Variants in TOMM70 observed in about 807,000 individuals in gnomAD.
TOMM70 encodes the protein translocase of outer mitochondrial membrane 70.
A neutral mutation model predicts 73.6 loss-of-function variants in TOMM70; 13 were observed. That is an observed-to-expected ratio of 0.18 (90% CI 0.11 to 0.28). TOMM70 has a LOEUF of 0.28. Among genes scored for constraint, TOMM70 ranks in the 10% least tolerant of loss-of-function variants. The pLI is 1.00. For missense variants in TOMM70, 609 were observed against 747.5 expected, an observed-to-expected ratio of 0.81 and a Z score of 2.16; for synonymous variants, 257 against 271.2, an observed-to-expected ratio of 0.95 and a Z score of 0.51.
intron 10 of TOMM70, 98 bp downstream of exon 10, chr3:100,368,940 C>T: frequency 1.2e-6 from 1 of 820,152 alleles, no homozygotes; most frequent in East Asian, 2.5e-5. Context: ...CAATTAACTT[C>T]TCTACCACAG....
At chr3:100,367,377 G>C (rs1350804390) in intron 11 of TOMM70, among the ~76,000 whole-genome samples, 1 of 152,152 alleles carries the variant, frequency 6.6e-6, no homozygotes, top group African/African-American at 2.4e-5. Flanking sequence ...GAAAACTCAT[G>C]CTGCTTCCTG....
intron 5 of TOMM70, among the ~76,000 whole-genome samples, chr3:100,380,923 A>G (rs890666296): frequency 6.6e-6 from 1 of 152,220 alleles, no homozygotes; most frequent in Non-Finnish European, 1.5e-5. Context: ...CACAGCTACT[A>G]GAACAGTATT....
intron 5 of TOMM70, among the ~76,000 whole-genome samples, chr3:100,379,799 T>C (rs1233077099): frequency 6.6e-6 from 1 of 152,048 alleles, no homozygotes; most frequent in Non-Finnish European, 1.5e-5. Context: ...GTTATTCTTC[T>C]GTAGAGACAG....
At chr3:100,399,584 T>C (rs546507155) in intron 1 of TOMM70, among the ~76,000 whole-genome samples, 8 of 152,250 alleles carry the variant, frequency 5.3e-5, no homozygotes, top group South Asian at 2.1e-4. Flanking sequence ...ACCAAAACCA[T>C]ACAAAGCAGT....
chr3:100,378,745 G>A (rs1482571802), intron 5 of TOMM70, among the ~76,000 whole-genome samples: 2 of 152,174 alleles, frequency 1.3e-5, no homozygotes, highest in African/African-American at 2.4e-5. Context: ...GGTGGCTCAC[G>A]CCTGTAATCC....
chr3:100,380,643 G>C (rs2148891525), intron 5 of TOMM70, among the ~76,000 whole-genome samples: 1 of 152,222 alleles, frequency 6.6e-6, no homozygotes, highest in South Asian at 2.1e-4. Context: ...TAGTTTTTCT[G>C]GGACAAGGAC....
At chr3:100,398,885 A>C (rs574705723) in intron 1 of TOMM70, among the ~76,000 whole-genome samples, 1 of 152,360 alleles carries the variant, frequency 6.6e-6, no homozygotes, top group East Asian at 1.9e-4. Context: ...AGGAAAGATC[A>C]TATGGCTTTC....
At position 100,381,697 on chromosome 3, in the gene TOMM70, T is replaced by C. The variant is rs1559832702; in HGVS notation, c.802A>G (p.Ile268Val). The C allele has an allele frequency of 6.2e-7, 1 of 1,612,928 alleles. No individual in the cohort carries two copies. Among genetic ancestry groups the C allele is most frequent in the Non-Finnish European group, 8.5e-7 (1 of 1,179,346 alleles). The change falls in exon 5 of 12, where the codon ATC becomes GTC. Residue 268 changes from isoleucine (I) to valine (V), a missense_variant. Around this residue, in one of 2 missense-constraint regions of TOMM70, gnomAD observed 432 missense variants for 584.1 expected, o/e 0.74. Coordinates refer to ENST00000284320, the MANE Select transcript of TOMM70 (RefSeq NM_014820.5). ...CCTTTAAGCATGGGCTGGGAAATGA[T>C]ATCATCCGTGAAAGAACTGAAGTAA... ...KSYFSSFTDD[I>V]ISQPMLKGEK...
chr3:100,386,185 A>G (rs1706690042), intron 3 of TOMM70, 33 bp downstream of exon 3: 1 of 1,591,180 alleles, frequency 6.3e-7, no homozygotes, highest in Admixed American at 1.8e-5. Flanking sequence ...AATATTAAGT[A>G]ATTTTCATAT....
intron 5 of TOMM70, among the ~76,000 whole-genome samples, chr3:100,380,134 T>C (rs1009328112): frequency 1.3e-5 from 2 of 151,956 alleles, no homozygotes; most frequent in African/African-American, 4.8e-5. Context: ...TCACCTGAGG[T>C]CGGGAGTTCG....
intron 4 of TOMM70, 120 bp downstream of exon 4, chr3:100,384,359 C>G: frequency 5.0e-6 from 3 of 604,702 alleles, no homozygotes; most frequent in Non-Finnish European, 8.4e-6. Flanking sequence ...AGAAATATAA[C>G]CCAGTTCTAA....
At position 100,400,768 on chromosome 3, in the gene TOMM70, C is replaced by G; in HGVS notation, c.182G>C (p.Arg61Pro). 1.3e-6 allele frequency: 2 copies of G among 1,583,890 alleles called. No homozygotes were observed. The highest frequency in any genetic ancestry group is 8.6e-7 in the Non-Finnish European group (1 of 1,169,402). Residue 61 changes from arginine to proline, a missense_variant, in exon 1 of 12, where the codon CGG becomes CCG. Arg to Pro is a moderately radical substitution (Grantham distance 103). Transcript: ENST00000284320. ...TCTGGCCTCCCGGCGCCGTTGCTGC[C>G]GACTCCACAGGTATATGGCACCCGC... ...LGAGAIYLWS[R>P]QQRRREARGR...
chr3:100,384,259 A>T lies in TOMM70; in HGVS notation c.735+220T>A, dbSNP rs113109434. Among the ~76,000 whole-genome samples the T allele has an allele frequency of 2.0e-3, 312 of 152,356 alleles. 1 individual carries two copies. The highest frequency in any genetic ancestry group is 7.1e-3 in the African/African-American group (295 of 41,592). ...AGTGTGGCAATCCCTAACACAGATG[A>T]ATTCCAATATTCTCCAGGTAGAGTA... On this transcript the variant is annotated intron_variant, in intron 4 of 11. Transcript: ENST00000284320.
chr3:100,366,741 A>G (rs760737804), intron 11 of TOMM70, among the ~76,000 whole-genome samples: 17 of 152,272 alleles, frequency 1.1e-4, no homozygotes, highest in Non-Finnish European at 2.4e-4. Flanking sequence ...ACAAAATTCC[A>G]TCAAACCCTA....
At chr3:100,377,317 G>A (rs1706576581) in intron 6 of TOMM70, 1 of 166,304 alleles carries the variant, frequency 6.0e-6, no homozygotes, top group African/African-American at 2.4e-5. Context: ...GAACCTTTCT[G>A]AATATATTAA....
At chr3:100,367,605 T>C (rs111791274) in intron 11 of TOMM70, among the ~76,000 whole-genome samples, 3 of 152,208 alleles carry the variant, frequency 2.0e-5, no homozygotes, top group Non-Finnish European at 4.4e-5. Flanking sequence ...TGGCCTAAAG[T>C]AGGAAACTCA....
chr3:100,378,106 T>C (rs1193716594), intron 5 of TOMM70, among the ~76,000 whole-genome samples, 194 bp from the exon 6 acceptor site: 2 of 151,500 alleles, frequency 1.3e-5, no homozygotes, highest in African/African-American at 4.9e-5. Flanking sequence ...TAGCCGGGCG[T>C]GGAGGCGCAT....
intron 3 of TOMM70, among the ~76,000 whole-genome samples, chr3:100,385,065 AAAGT>A (rs142787165): frequency 2.0e-5 from 3 of 152,368 alleles, no homozygotes; most frequent in East Asian, 1.9e-4. Flanking sequence ...TTGAAATTAA[AAAGT>A]AAGTGGTTCC....
intron 1 of TOMM70, among the ~76,000 whole-genome samples, chr3:100,389,354 A>G (rs1054923028): frequency 2.6e-5 from 4 of 152,248 alleles, no homozygotes; most frequent in Non-Finnish European, 4.4e-5. Context: ...TGACCAATAC[A>G]ACAAAAAGCA....
Sources: allele counts gnomAD v4.1 joint callset (sites outside exome capture counted in the v4.1 genomes callset), GRCh38; gene constraint gnomAD v4.1.1; regional missense constraint gnomAD v4.1.1; transcripts MANE v1.5; gene names NCBI Gene and HGNC (gene_info 2026-07-23, HGNC 2026-07-21).